Variants in ANO10 observed in about 807,000 individuals in gnomAD.
ANO10 encodes anoctamin 10, also known as anoctamin-10.
Under a neutral mutation model 74.7 loss-of-function variants are expected in ANO10, and 77 were observed. That is an observed-to-expected ratio of 1.03 (90% CI 0.86 to 1.25). The LOEUF (loss-of-function observed/expected upper bound fraction) is 1.25, where lower values mean the gene tolerates loss of function less well. Among genes scored for constraint, ANO10 ranks in the 50% most tolerant of loss-of-function variants. The pLI is 0.00. For missense variants in ANO10, 721 were observed against 778.1 expected, an observed-to-expected ratio of 0.93 and a Z score of 0.87; for synonymous variants, 279 against 284.9, an observed-to-expected ratio of 0.98 and a Z score of 0.21.
At chr3:43,379,803 T>C (rs1200787815) in intron 12 of ANO10, among the ~76,000 whole-genome samples, 1 of 152,142 alleles carries the variant, frequency 6.6e-6, no homozygotes, top group Non-Finnish European at 1.5e-5. Context: ...AAGATCACAC[T>C]AGCTCACCAG....
chr3:43,462,403 G>A (rs537681234), intron 11 of ANO10, among the ~76,000 whole-genome samples: 1 of 152,148 alleles, frequency 6.6e-6, no homozygotes, highest in South Asian at 2.1e-4. Flanking sequence ...CTAATTTTTT[G>A]TATTTTTAGT....
intron 1 of ANO10, among the ~76,000 whole-genome samples, chr3:43,639,974 G>A (rs1303783569): frequency 1.3e-5 from 2 of 152,140 alleles, no homozygotes; most frequent in Non-Finnish European, 2.9e-5. Context: ...GCCTAAGCAA[G>A]CCTAGTCCTG....
At position 43,576,937 on chromosome 3, in the gene ANO10, G is replaced by A. The variant is rs1442989442; in HGVS notation, c.917C>T (p.Pro306Leu). 1 of 1,614,118 alleles carries A rather than the reference G, an allele frequency of 6.2e-7. No homozygotes were observed. The highest frequency in any genetic ancestry group is 1.7e-5 in the Admixed American group (1 of 60,012). The change falls in exon 6 of 13, where the codon CCC (proline) becomes CTC (leucine). Residue 306 changes from proline (P) to leucine (L), a missense_variant. By Grantham distance (98) the Pro-to-Leu change is moderately conservative (BLOSUM62 -3). Transcript: ENST00000292246. ...AATGCGCAACTGTCTCTTGTAGCTG[G>A]GGTACAGAGGCTCCTCCTTCCCAGT... ...SITGKEEPLY[P>L]SYKRQLRIYL... is the part of the protein sequence containing the mutation.
At chr3:43,625,266 C>T (rs1250479176), upstream of ANO10, among the ~76,000 whole-genome samples, 1 of 152,238 alleles carries the variant, frequency 6.6e-6, no homozygotes, top group African/African-American at 2.4e-5. Flanking sequence ...TCCGGCTTCT[C>T]TCGGACATTT....
At chr3:43,643,708 G>C (rs1398104353) in intron 1 of ANO10, among the ~76,000 whole-genome samples, 2 of 135,164 alleles carry the variant, frequency 1.5e-5, no homozygotes, top group Non-Finnish European at 3.0e-5. Context: ...TTTTTAGATG[G>C]AGTCTCGCTC....
chr3:43,666,369 T>C (rs2083992245), intron 1 of ANO10, among the ~76,000 whole-genome samples: 1 of 152,194 alleles, frequency 6.6e-6, no homozygotes, highest in Non-Finnish European at 1.5e-5. Context: ...AATTTTTAAC[T>C]AAACCTCGTA....
rs559921435 is a variant in ANO10 at position 43,562,677 on chromosome 3, T to C, written c.1294-1275A>G. Among the ~76,000 whole-genome samples the C allele has an allele frequency of 2.7e-5, 4 of 148,644 alleles. No individual in the cohort carries two copies. The South Asian group carries it at 6.4e-4, about 24-fold the overall frequency. ...GCCTGGGCAACAGAGTGAGACTCCA[T>C]CTAAAAAAAAAAAAGAAGAATGTAT... On this transcript the variant is annotated intron_variant, in intron 8 of 12. Coordinates refer to ENST00000292246, the MANE Select transcript of ANO10 (RefSeq NM_018075.5).
At chr3:43,444,338 T>C (rs1202276413) in intron 11 of ANO10, among the ~76,000 whole-genome samples, 1 of 152,212 alleles carries the variant, frequency 6.6e-6, no homozygotes, top group East Asian at 1.9e-4. Flanking sequence ...ACAAAGCAGT[T>C]TCTAGAGCAG....
chr3:43,537,611 CCACACACACA>C (rs3223349), intron 11 of ANO10, among the ~76,000 whole-genome samples: 32 of 140,058 alleles, frequency 2.3e-4, no homozygotes, highest in African/African-American at 5.1e-4. Flanking sequence ...ACTTTATAAA[CCACACACACA>C]CACACACACA....
At position 43,432,944 on chromosome 3, in the gene ANO10, C is replaced by CTTTTTTTTTTTTTTTTTTTTTTTTTTTTT. The variant is rs5848663; in HGVS notation, c.1798-246_1798-218dup. ...CAGTAATTACTGACTTTGCTTAATT[C>CTTTTTTTTTTTTTTTTTTTTTTTTTTTTT]TTTTTTTTTTTTTTTTTTTTTTTTT... On this transcript the variant is annotated intron_variant, in intron 11 of 12. Coordinates refer to ENST00000292246, the MANE Select transcript of ANO10 (RefSeq NM_018075.5). Among the ~76,000 whole-genome samples the CTTTTTTTTTTTTTTTTTTTTTTTTTTTTT allele has an allele frequency of 1.4e-4, 8 of 55,284 alleles. 1 individual carries two copies. The highest frequency in any genetic ancestry group is 2.0e-4 in the Non-Finnish European group (6 of 30,054). 36.3% of individuals were successfully genotyped at this position (55,284 alleles called of 152,430 possible).
chr3:43,599,935 T>C (rs1014548531), intron 3 of ANO10, among the ~76,000 whole-genome samples: 1 of 152,190 alleles, frequency 6.6e-6, no homozygotes, highest in Non-Finnish European at 1.5e-5. Context: ...TATAATACTT[T>C]TTTTGGTGTA....
chr3:43,483,806 GA>G (rs1448855621), intron 11 of ANO10, among the ~76,000 whole-genome samples: 2 of 152,202 alleles, frequency 1.3e-5, no homozygotes, highest in African/African-American at 4.8e-5. Context: ...AGGATACCTT[GA>G]AACAGGGGCT....
At chr3:43,396,745 A>C (rs575263826) in intron 12 of ANO10, among the ~76,000 whole-genome samples, 46 of 152,168 alleles carry the variant, frequency 3.0e-4, no homozygotes, top group African/African-American at 9.9e-4. Context: ...ACTGTAGCTC[A>C]CATAGCTCAG....
chr3:43,479,840 A>G (rs1208137962), intron 11 of ANO10, among the ~76,000 whole-genome samples: 2 of 152,152 alleles, frequency 1.3e-5, no homozygotes, highest in Non-Finnish European at 2.9e-5. Flanking sequence ...ACCCCTCTCT[A>G]TCCTTCAAAG....
At chr3:43,398,530 AAG>A (rs1240920813) in intron 12 of ANO10, among the ~76,000 whole-genome samples, 1 of 152,310 alleles carries the variant, frequency 6.6e-6, no homozygotes, top group Admixed American at 6.5e-5. Context: ...AACTTCTGTG[AAG>A]AGTTTGATAT....
intron 12 of ANO10, among the ~76,000 whole-genome samples, chr3:43,389,703 A>G (rs1198513774): frequency 6.6e-6 from 1 of 152,246 alleles, no homozygotes; most frequent in Non-Finnish European, 1.5e-5. Context: ...ATGAAAACCA[A>G]TGGAAAGGAA....
chr3:43,446,001 C>T (rs1456704902), intron 11 of ANO10, among the ~76,000 whole-genome samples: 1 of 152,154 alleles, frequency 6.6e-6, no homozygotes, highest in East Asian at 1.9e-4. Flanking sequence ...TTTGTTCTGT[C>T]AGGAGCTGTC....
chr3:43,651,567 A>G (rs1234467226), intron 1 of ANO10, among the ~76,000 whole-genome samples: 5 of 152,218 alleles, frequency 3.3e-5, no homozygotes, highest in Non-Finnish European at 5.9e-5. Context: ...CAGTCCTGGC[A>G]AAATCATTTG....
At chr3:43,608,639 C>T (rs567016390) in intron 1 of ANO10, among the ~76,000 whole-genome samples, 4 of 152,148 alleles carry the variant, frequency 2.6e-5, no homozygotes, top group East Asian at 1.9e-4. Context: ...TGGAGTACAG[C>T]GGTGTGATCG....
Sources: gnomAD v4.1 joint callset for allele counts (sites outside exome capture counted in the v4.1 genomes callset) on GRCh38, gnomAD v4.1.1 for gene constraint, MANE v1.5 for transcripts, NCBI Gene and HGNC (gene_info 2026-07-23, HGNC 2026-07-21) for gene names.